Variants in ALMS1 observed in about 807,000 individuals in gnomAD.
ALMS1 encodes ALMS1 centrosome and basal body associated protein, also known as centrosome-associated protein ALMS1.
A neutral mutation model predicts 352.2 loss-of-function variants in ALMS1; 271 were observed. The observed-to-expected ratio is 0.77, with a 90% confidence interval of 0.70 to 0.85. The LOEUF (loss-of-function observed/expected upper bound fraction) is 0.85. Ranked by LOEUF, ALMS1 falls within the 40% of genes least tolerant of loss-of-function variation. ALMS1 has a pLI of 0.00. For missense variants in ALMS1, 5,445 were observed against 4,870.7 expected (o/e 1.12, Z -3.51); for synonymous variants, 1,865 against 1,761.2 (o/e 1.06, Z -1.48).
intron 9 of ALMS1, among the ~76,000 whole-genome samples, chr2:73,488,906 G>C (rs560279407): frequency 1.3e-4 from 20 of 152,252 alleles, no homozygotes; most frequent in African/African-American, 4.3e-4. Flanking sequence ...CCCATTGTTA[G>C]GGGTAAAATA....
chr2:73,393,033 C>T (rs1163893010), intron 1 of ALMS1, among the ~76,000 whole-genome samples: 1 of 152,092 alleles, frequency 6.6e-6, no homozygotes, highest in African/African-American at 2.4e-5. Flanking sequence ...TTGCATTTCC[C>T]TTATGGTTCA....
In ALMS1 at chr2:73,386,086, A is replaced by G. The variant is rs767558791; in HGVS notation, c.218A>G (p.Asp73Gly). Residue 73 changes from aspartate to glycine, a missense_variant, in exon 1 of 23, where the codon GAC (aspartate) becomes GGC (glycine). By Grantham distance (94) the Asp-to-Gly change is moderately conservative (BLOSUM62 -1). Transcript: ENST00000613296. ...QHLESIDDEE[D>G]EEAKAWLQAH... ...CTGGAAAGTATAGACGACGAGGAGG[A>G]CGAGGAGGCCAAGGCCTGGCTGCAG... is the stretch of plus-strand genomic sequence containing the variant. 1.9e-6 allele frequency: 3 copies of G among 1,596,732 alleles called. No homozygotes were observed. The highest frequency in any genetic ancestry group is 1.7e-6 in the Non-Finnish European group (2 of 1,172,166).
chr2:73,519,851 A>G lies in ALMS1; in HGVS notation c.9616A>G (p.Thr3206Ala), dbSNP rs878853092. The G allele has an allele frequency of 1.9e-6, 3 of 1,614,064 alleles. No individual in the cohort carries two copies. The African/African-American group carries it at 4.0e-5, about 22-fold the overall frequency. ...LSSDAVTQITTESPEKTLFSS... is the reference protein window; with the variant it reads ...LSSDAVTQITAESPEKTLFSS... ...ATCTGATGCAGTCACTCAGATAACA[A>G]CAGAAAGTCCAGAAAAGACCCTATT... The change falls in exon 11 of 23, where the codon ACA (threonine) becomes GCA (alanine). Residue 3206 changes from threonine to alanine, a missense_variant. Thr to Ala is a moderately conservative substitution (Grantham distance 58). Transcript: ENST00000613296.
chr2:73,469,428 G>A (rs191288114), intron 9 of ALMS1: 1 of 151,928 alleles, frequency 6.6e-6, no homozygotes, highest in Admixed American at 6.6e-5. Context: ...TAAATGAAAA[G>A]GAGCATGCCA....
chr2:73,603,299 C>A lies in ALMS1; in HGVS notation c.12357C>A (p.Ser4119=). ...PISKKEMIQR[S]KRIYEQLPEV... ...GCAAGAAGGAAATGATTCAGAGGTC[C>A]AAACGGTAAGACCAAGAAAACAAGA... Residue 4119 remains serine, a synonymous_variant, in exon 21 of 23, where the codon TCC becomes TCA. Transcript: ENST00000613296. 1 of 1,614,006 alleles carries A rather than the reference C, an allele frequency of 6.2e-7. No individual in the cohort carries two copies. The highest frequency in any genetic ancestry group is 8.5e-7 in the Non-Finnish European group (1 of 1,179,950).
chr2:73,393,817 CTTTT>C (rs1379885347), intron 1 of ALMS1, among the ~76,000 whole-genome samples: 1 of 142,368 alleles, frequency 7.0e-6, no homozygotes, highest in Admixed American at 7.1e-5. Flanking sequence ...CCAGGAAACA[CTTTT>C]TTTTTTTTTT....
chr2:73,593,395 GATTGTTTGTTGTTTATTAC>G (rs774827725), intron 16 of ALMS1, among the ~76,000 whole-genome samples: 63 of 152,030 alleles, frequency 4.1e-4, no homozygotes, highest in South Asian at 2.1e-3. Flanking sequence ...CTTTTTTTAG[GATTGTTTGTTGTTTATTAC>G]ATGAAGGCAA....
chr2:73,522,860 A>G (rs767020308), intron 11 of ALMS1, among the ~76,000 whole-genome samples: 30 of 152,292 alleles, frequency 2.0e-4, no homozygotes, highest in Non-Finnish European at 4.3e-4. Flanking sequence ...GGTGTTAATC[A>G]TACTCCTTTT....
chr2:73,471,493 CAAA>C (rs58688820), intron 9 of ALMS1, among the ~76,000 whole-genome samples: 3 of 113,634 alleles, frequency 2.6e-5, no homozygotes, highest in African/African-American at 3.8e-5. Flanking sequence ...ACTCAACAGC[CAAA>C]AAAAAAAAAA....
chr2:73,609,667 C>T lies in ALMS1; in HGVS notation c.*55C>T. On this transcript the variant is annotated 3_prime_UTR_variant, in exon 23 of 23. Transcript: ENST00000613296. ...ATTCTATTTTATGAACCTAGAGAAG[C>T]AGAATCCTTACTTTTGTGAGTCTGG... The T allele has an allele frequency of 6.5e-7, 1 of 1,538,120 alleles. No homozygotes were observed. Among genetic ancestry groups the T allele is most frequent in the Non-Finnish European group, 9.0e-7 (1 of 1,111,068 alleles).
rs1472140505 is a variant in ALMS1 at position 73,432,258 on chromosome 2, A to T, written c.1399A>T (p.Thr467Ser). The change falls in exon 7 of 23, where the codon ACT (threonine) becomes TCT (serine). Residue 467 changes from threonine to serine, a missense_variant. Thr to Ser is a moderately conservative substitution (Grantham distance 58). Coordinates refer to ENST00000613296, the MANE Select transcript of ALMS1 (RefSeq NM_001378454.1). ...CAGAATGTTGAGGATGTCTCCTGACACTGTGCCAAAGGCTCCTAAACATTT... is the reference window on the plus strand; with the variant it reads ...CAGAATGTTGAGGATGTCTCCTGACTCTGTGCCAAAGGCTCCTAAACATTT... Reference protein sequence around the residue: ...DLRMLRMSPDTVPKAPKHLKA... With the variant: ...DLRMLRMSPDSVPKAPKHLKA... 1.9e-6 allele frequency: 3 copies of T among 1,613,494 alleles called. No individual in the cohort carries two copies. Among genetic ancestry groups the T allele is most frequent in the Middle Eastern group, 1.7e-4 (1 of 6,054 alleles).
chr2:73,519,791 A>C lies in ALMS1; in HGVS notation c.9556A>C (p.Lys3186Gln). The change falls in exon 11 of 23, where the codon AAG becomes CAG. Residue 3186 changes from lysine (K) to glutamine (Q), a missense_variant. Transcript: ENST00000613296. ...TTTGGTCAGATTACCAGAGAAGATG[A>C]AGACCCCACTTTCTGCTTTCTCTGA... ...VFADRLPEKM[K>Q]TPLSAFSEKL... is the part of the protein sequence containing the mutation. The C allele has an allele frequency of 6.2e-7, 1 of 1,614,080 alleles. No homozygotes were observed. Among genetic ancestry groups the C allele is most frequent in the South Asian group, 1.1e-5 (1 of 91,080 alleles).
intron 21 of ALMS1, among the ~76,000 whole-genome samples, chr2:73,605,963 G>A (rs1442189622): frequency 1.3e-5 from 2 of 152,182 alleles, no homozygotes; most frequent in Non-Finnish European, 2.9e-5. Flanking sequence ...CAAGTACGTG[G>A]AAAATCTATA....
At chr2:73,463,049 G>A (rs1047659131) in intron 9 of ALMS1, among the ~76,000 whole-genome samples, 2 of 152,158 alleles carry the variant, frequency 1.3e-5, no homozygotes, top group African/African-American at 4.8e-5. Flanking sequence ...ACAGATCAAC[G>A]AGACAGAAAG....
intron 19 of ALMS1, 137 bp from the exon 20 acceptor site, chr2:73,602,048 C>A: frequency 2.2e-6 from 2 of 914,638 alleles, no homozygotes; most frequent in Non-Finnish European, 3.4e-6. Flanking sequence ...GAGGATTCTT[C>A]AACGCTAGAT....
chr2:73,511,244 ACTC>A (rs1311162313), intron 10 of ALMS1, among the ~76,000 whole-genome samples: 1 of 147,456 alleles, frequency 6.8e-6, no homozygotes, highest in East Asian at 2.0e-4. Flanking sequence ...TGAAAAGAAA[ACTC>A]CTGCAACTAT....
At chr2:73,431,606 C>G (rs1671499951) in intron 6 of ALMS1, among the ~76,000 whole-genome samples, 1 of 152,112 alleles carries the variant, frequency 6.6e-6, no homozygotes, top group Admixed American at 6.5e-5. Flanking sequence ...AGCAGTTACC[C>G]TTTACTTCAC....
At chr2:73,556,828 G>A (rs1210731008) in intron 13 of ALMS1, among the ~76,000 whole-genome samples, 1 of 151,876 alleles carries the variant, frequency 6.6e-6, no homozygotes. Flanking sequence ...TCAGCCTCCT[G>A]AGTAGCTGGG....
chr2:73,590,860 T>C (rs1053025783), intron 16 of ALMS1, among the ~76,000 whole-genome samples: 1 of 152,048 alleles, frequency 6.6e-6, no homozygotes, highest in Admixed American at 6.5e-5. Context: ...TTTGTATTTT[T>C]AGTAGAGACG....
Sources: allele counts gnomAD v4.1 joint callset (sites outside exome capture counted in the v4.1 genomes callset), GRCh38; gene constraint gnomAD v4.1.1; transcripts MANE v1.5; gene names NCBI Gene and HGNC (gene_info 2026-07-23, HGNC 2026-07-21).